The following MERTK variants were observed in gnomAD, a reference collection of about 807,000 sequenced individuals.
MERTK encodes the protein tyrosine-protein kinase Mer.
In MERTK, 69 loss-of-function variants were observed where a neutral mutation model predicts 99.3. The ratio of observed to expected loss-of-function variants is 0.70; its 90% CI spans 0.57 to 0.85. The LOEUF (loss-of-function observed/expected upper bound fraction) is 0.85. Ranked by LOEUF, MERTK falls within the 40% of genes least tolerant of loss-of-function variation. The pLI is 0.00. For synonymous variants in MERTK, 426 were observed against 467.6 expected, an observed-to-expected ratio of 0.91 and a Z score of 1.15; for missense variants, 1,125 against 1,249.4, an observed-to-expected ratio of 0.90 and a Z score of 1.50.
intron 1 of MERTK, among the ~76,000 whole-genome samples, chr2:111,910,475 G>A (rs1484969550): frequency 6.6e-6 from 1 of 151,842 alleles, no homozygotes; most frequent in Non-Finnish European, 1.5e-5. Context: ...TCACCATGTT[G>A]GCCAGGCTGA....
chr2:111,903,072 C>A (rs1275154956), intron 1 of MERTK, among the ~76,000 whole-genome samples: 1 of 152,230 alleles, frequency 6.6e-6, no homozygotes, highest in Non-Finnish European at 1.5e-5. Context: ...AGCTATGGCA[C>A]CCAGCCTTAC....
At chr2:111,899,576 G>A (rs1684004482) in intron 1 of MERTK, among the ~76,000 whole-genome samples, 1 of 151,898 alleles carries the variant, frequency 6.6e-6, no homozygotes. Context: ...GGAGTGCCGC[G>A]GCGCGATCTC....
At chr2:111,994,567 A>C (rs1477647062) in intron 9 of MERTK, 163 bp downstream of exon 9, 31 of 910,988 alleles carry the variant, frequency 3.4e-5, no homozygotes, top group Non-Finnish European at 5.3e-5. Flanking sequence ...GTTTGAGAAC[A>C]ACCTGGGCAA....
chr2:111,928,971 C>T, intron 1 of MERTK, 149 bp from the exon 2 acceptor site: 3 of 765,206 alleles, frequency 3.9e-6, no homozygotes, highest in Non-Finnish European at 6.6e-6. Context: ...AGAATATGTC[C>T]AGATGTGTGT....
chr2:112,010,547 C>G (rs554407730), intron 15 of MERTK, among the ~76,000 whole-genome samples: 82 of 152,224 alleles, frequency 5.4e-4, no homozygotes, highest in Admixed American at 1.4e-3. Context: ...GTTGACTTAC[C>G]CACCATGAGC....
chr2:111,929,541 G>C lies in MERTK; in HGVS notation c.482+1G>C. ...TTACAGCAATAATCGCTTCCTTCAG[G>C]TATGTGTTCTTTCTTCCTTTTTTAT... On this transcript the variant is annotated splice_donor_variant, in intron 2 of 18. Coordinates refer to ENST00000295408, the MANE Select transcript of MERTK (RefSeq NM_006343.3). LOFTEE classifies it high-confidence loss of function. 1.3e-6 allele frequency: 2 copies of C among 1,574,310 alleles called. No individual in the cohort carries two copies. Among genetic ancestry groups the C allele is most frequent in the Non-Finnish European group, 1.7e-6 (2 of 1,159,146 alleles).
chr2:111,927,758 G>T (rs1002263851), intron 1 of MERTK, among the ~76,000 whole-genome samples: 2 of 152,170 alleles, frequency 1.3e-5, no homozygotes, highest in African/African-American at 2.4e-5. Flanking sequence ...ACAACTCTGA[G>T]CAAAGAACAC....
At chr2:112,002,287 G>A (rs4528767) in intron 11 of MERTK, among the ~76,000 whole-genome samples, 1 of 151,886 alleles carries the variant, frequency 6.6e-6, no homozygotes, top group Non-Finnish European at 1.5e-5. Flanking sequence ...TTGCTATGCT[G>A]TTATAATAGG....
intron 1 of MERTK, among the ~76,000 whole-genome samples, chr2:111,915,215 A>C (rs1684328752): frequency 6.6e-6 from 1 of 152,130 alleles, no homozygotes; most frequent in African/African-American, 2.4e-5. Context: ...ATGTCTGCAG[A>C]GTCTATGGTG....
chr2:112,009,860 G>A (rs1351536814), intron 14 of MERTK, 88 bp from the exon 15 acceptor site: 87 of 980,196 alleles, frequency 8.9e-5, no homozygotes, highest in South Asian at 3.7e-4. Context: ...GGTAACACAC[G>A]GCTTCAGTTT....
At chr2:111,919,258 G>A (rs947801847) in intron 1 of MERTK, among the ~76,000 whole-genome samples, 10 of 151,912 alleles carry the variant, frequency 6.6e-5, no homozygotes, top group Admixed American at 1.3e-4. Context: ...CTGGCCTTCC[G>A]CAGCCCCCTG....
intron 1 of MERTK, among the ~76,000 whole-genome samples, chr2:111,917,739 G>T (rs2104673384): frequency 6.6e-6 from 1 of 152,188 alleles, no homozygotes; most frequent in Admixed American, 6.5e-5. Context: ...ACAAAAATTA[G>T]CTGGGCGTGG....
chr2:111,991,551 T>A (rs1325238874), intron 8 of MERTK, among the ~76,000 whole-genome samples: 1 of 151,858 alleles, frequency 6.6e-6, no homozygotes, highest in Non-Finnish European at 1.5e-5. Flanking sequence ...GAAAAAGGTA[T>A]CACCAGAATA....
At chr2:111,947,646 C>A in intron 4 of MERTK, 79 bp downstream of exon 4, 1 of 1,506,114 alleles carries the variant, frequency 6.6e-7, no homozygotes, top group Non-Finnish European at 9.2e-7. Context: ...TTGCTGTGCA[C>A]CACTAGCAGG....
At chr2:112,023,877 C>CT (rs150632843) in intron 18 of MERTK, among the ~76,000 whole-genome samples, 8,631 of 151,960 alleles carry the variant, frequency 0.057, 299 homozygotes, top group African/African-American at 0.11. Context: ...GTGGACAGCA[C>CT]CCTCCCTACA....
chr2:111,977,549 T>A (rs1042671108), intron 7 of MERTK, among the ~76,000 whole-genome samples: 9 of 152,208 alleles, frequency 5.9e-5, no homozygotes, highest in Non-Finnish European at 8.8e-5. Flanking sequence ...TTATATGCCT[T>A]GTGTTTGGAG....
intron 18 of MERTK, among the ~76,000 whole-genome samples, chr2:112,023,219 C>A (rs1677393538): frequency 6.6e-6 from 1 of 152,114 alleles, no homozygotes. Flanking sequence ...TCGAGACCAT[C>A]CTCGCTAACA....
intron 15 of MERTK, among the ~76,000 whole-genome samples, chr2:112,012,991 C>T (rs1053871465): frequency 6.6e-6 from 1 of 152,122 alleles, no homozygotes; most frequent in African/African-American, 2.4e-5. Context: ...TGGTATCTTA[C>T]GCCTGTGTGT....
At chr2:111,914,439 G>A (rs956934885) in intron 1 of MERTK, among the ~76,000 whole-genome samples, 10 of 151,870 alleles carry the variant, frequency 6.6e-5, no homozygotes, top group African/African-American at 1.5e-4. Context: ...CACTGCGCCC[G>A]GCCTAATTTT....
Sources: allele counts gnomAD v4.1 joint callset (sites outside exome capture counted in the v4.1 genomes callset), GRCh38; gene constraint gnomAD v4.1.1; transcripts MANE v1.5; gene names NCBI Gene and HGNC (gene_info 2026-07-23, HGNC 2026-07-21).